Variants in RABL3 observed in about 807,000 individuals in gnomAD.
RABL3 encodes the protein RAB, member of RAS oncogene family like 3.
In RABL3, 31 loss-of-function variants were observed where a neutral mutation model predicts 31.8. The observed-to-expected ratio is 0.97, with a 90% CI of 0.73 to 1.31. The LOEUF (loss-of-function observed/expected upper bound fraction) is 1.31, where lower values mean the gene tolerates loss of function less well. Among genes scored for constraint, RABL3 ranks in the 40% most tolerant of loss-of-function variants. RABL3 has a pLI of 0.00. For missense variants in RABL3, 263 were observed against 279.6 expected (o/e 0.94, Z 0.42); for synonymous variants, 97 against 99.9 (o/e 0.97, Z 0.18).
rs1708298771 is a variant in RABL3 at position 120,685,497 on chromosome 3, T to G, written c.*4326A>C. 6.8e-6 allele frequency among the ~76,000 whole-genome samples: 1 copy of G among 146,348 alleles called. No individual in the cohort carries two copies. Among genetic ancestry groups the G allele is most frequent in the Non-Finnish European group, 1.5e-5 (1 of 64,936 alleles). The stretch of plus-strand genomic sequence containing the variant: ...AAGGCACTGGTTAGAAATAAATATA[T>G]TTGGATTAAAAACAGAACCCAGGGG... On this transcript the variant is annotated 3_prime_UTR_variant, in exon 8 of 8. Coordinates refer to ENST00000273375, the MANE Select transcript of RABL3 (RefSeq NM_173825.5).
At position 120,709,829 on chromosome 3, in the gene RABL3, A is replaced by G; in HGVS notation, c.219T>C (p.Ser73=). Residue 73 remains serine (S), a synonymous_variant, in exon 3 of 8, where the codon AGT becomes AGC. Coordinates refer to ENST00000273375, the MANE Select transcript of RABL3 (RefSeq NM_173825.5). ...ELWDVGGSVG[S]ASSVKSTRAV... is the part of the protein sequence containing the mutation. ...CTCTTGTGCTTTTCACGCTGCTGGC[A>G]CTGCCCACAGAGCCTCCAACATCCC... is the stretch of plus-strand genomic sequence containing the variant. The G allele has an allele frequency of 6.2e-7, 1 of 1,612,526 alleles. No individual in the cohort carries two copies. The highest frequency in any genetic ancestry group is 8.5e-7 in the Non-Finnish European group (1 of 1,178,644).
chr3:120,717,286 A>C (rs552640389), intron 2 of RABL3, among the ~76,000 whole-genome samples: 362 of 151,558 alleles, frequency 2.4e-3, no homozygotes, highest in South Asian at 4.6e-3. Context: ...AAAACAACAA[A>C]AAAAAAAACA....
Position 120,694,219 on chromosome 3 carries a change from G to C in RABL3, c.540C>G (p.Cys180Trp). The C allele has an allele frequency of 6.2e-7, 1 of 1,608,450 alleles. No homozygotes were observed. Among genetic ancestry groups the C allele is most frequent in the Non-Finnish European group, 8.5e-7 (1 of 1,175,548 alleles). Residue 180 changes from cysteine (C) to tryptophan (W), a missense_variant, in exon 6 of 8, where the codon TGC becomes TGG. Transcript: ENST00000273375. ...DFNPEEINLDCTNPRYLAAGS... is the reference protein window; with the variant it reads ...DFNPEEINLDWTNPRYLAAGS... ...CTGCAGCTAAGTACCGTGGATTTGT[G>C]CAGTCCTAGAAGATAAAACATAAGA...
intron 2 of RABL3, among the ~76,000 whole-genome samples, chr3:120,710,843 T>C (rs1436882373): frequency 9.2e-5 from 14 of 152,146 alleles, no homozygotes; most frequent in Admixed American, 9.2e-4. Flanking sequence ...CTTTTCCTTT[T>C]CACAGCAAAA....
At chr3:120,717,562 G>A (rs959228862) in intron 2 of RABL3, among the ~76,000 whole-genome samples, 2 of 152,050 alleles carry the variant, frequency 1.3e-5, no homozygotes, top group Admixed American at 6.6e-5. Flanking sequence ...TCCGCATCCC[G>A]GGTTCAAGCC....
chr3:120,730,533 G>A (rs1443938272), intron 2 of RABL3, among the ~76,000 whole-genome samples, 163 bp downstream of exon 2: 2 of 152,158 alleles, frequency 1.3e-5, no homozygotes, highest in Non-Finnish European at 2.9e-5. Context: ...GAAATAAGAA[G>A]GGACATGTAA....
chr3:120,725,992 T>G (rs1205724326), intron 2 of RABL3, among the ~76,000 whole-genome samples: 1 of 152,158 alleles, frequency 6.6e-6, no homozygotes, highest in Admixed American at 6.5e-5. Flanking sequence ...TTTTTTAACA[T>G]TTTTTTATGG....
chr3:120,742,605 G>C, upstream of RABL3: 1 of 1,185,672 alleles, frequency 8.4e-7, no homozygotes, highest in Non-Finnish European at 1.3e-6. Context: ...TTGGCCACTC[G>C]GAGCGTGACT....
intron 2 of RABL3, chr3:120,710,380 T>C (rs1299753315): frequency 6.6e-6 from 1 of 152,466 alleles, no homozygotes; most frequent in Non-Finnish European, 1.5e-5. Flanking sequence ...ACAGTTAATT[T>C]ACCATTTTCC....
Position 120,698,502 on chromosome 3 carries a change from A to G in RABL3, c.455T>C (p.Ile152Thr), listed in dbSNP as rs779565678. The G allele has an allele frequency of 3.8e-5, 62 of 1,613,992 alleles. 1 individual carries two copies. The highest frequency in any genetic ancestry group is 5.3e-5 in the Non-Finnish European group (62 of 1,179,876). Residue 152 changes from isoleucine to threonine, a missense_variant, in exon 5 of 8, where the codon ATT becomes ACT. Physicochemically the swap from Ile to Thr is moderately conservative, Grantham distance 89. Coordinates refer to ENST00000273375, the MANE Select transcript of RABL3 (RefSeq NM_173825.5). Reference protein sequence around the residue: ...LLVIGTKLDQIHETKRHEVLT... With the variant: ...LLVIGTKLDQTHETKRHEVLT... ...AACTTCATGGCGCTTTGTTTCATGA[A>G]TCTGGTCCAGTTTAGTCCCTATTAC... is the stretch of plus-strand genomic sequence containing the variant.
intron 1 of RABL3, among the ~76,000 whole-genome samples, chr3:120,739,518 G>A (rs1709015748): frequency 6.6e-6 from 1 of 152,056 alleles, no homozygotes; most frequent in African/African-American, 2.4e-5. Flanking sequence ...GATCTACTCT[G>A]TACCTTTATC....
chr3:120,693,844 A>G (rs1708406696), intron 6 of RABL3, among the ~76,000 whole-genome samples: 1 of 152,192 alleles, frequency 6.6e-6, no homozygotes, highest in Non-Finnish European at 1.5e-5. Context: ...GGGAGGGTGA[A>G]TAAGTGAAAA....
rs745733910 is a variant in RABL3, at chr3:120,686,573, A to T, written c.*3250T>A. 4.6e-5 allele frequency: 7 copies of T among 152,202 alleles called. No individual in the cohort carries two copies. The highest frequency in any genetic ancestry group is 8.8e-5 in the Non-Finnish European group (6 of 68,032). 9.4% of individuals were successfully genotyped at this position (152,202 alleles called of 1,614,324 possible). A position where few individuals can be genotyped will look rare whatever the true frequency, so the allele number is the denominator to read the frequency against. ...AGAACCCGAGCTAAAGCTAATATGG[A>T]TCAACTCTTTTGGGAATAGCTTTTC... On this transcript the variant is annotated 3_prime_UTR_variant, in exon 8 of 8. Transcript: ENST00000273375.
In RABL3 at chr3:120,730,621, T is replaced by C. The variant is rs535946672; in HGVS notation, c.138+75A>G. The C allele has an allele frequency of 1.7e-5, 17 of 992,392 alleles. No homozygotes were observed. The African/African-American group carries it at 2.3e-4, about 13-fold the overall frequency. 61.5% of individuals were successfully genotyped at this position (992,392 alleles called of 1,614,324 possible). A position where few individuals can be genotyped will look rare whatever the true frequency, so the allele number is the denominator to read the frequency against. On this transcript the variant is annotated intron_variant, in intron 2 of 7. Coordinates refer to ENST00000273375, the MANE Select transcript of RABL3 (RefSeq NM_173825.5). ...TTACTATTGATCTTGACCATAGTACTGTAATTTGATCATGTAATTTGAAGC... is the reference window on the plus strand; with the variant it reads ...TTACTATTGATCTTGACCATAGTACCGTAATTTGATCATGTAATTTGAAGC...
chr3:120,720,827 A>G (rs146295832), intron 2 of RABL3, among the ~76,000 whole-genome samples: 3,244 of 152,310 alleles, frequency 0.021, 56 homozygotes, highest in Middle Eastern at 0.054. Flanking sequence ...TTCAGGAAAT[A>G]CAGAGAACGC....
intron 1 of RABL3, among the ~76,000 whole-genome samples, chr3:120,736,427 C>G (rs901634932): frequency 7.9e-5 from 12 of 152,146 alleles, no homozygotes; most frequent in African/African-American, 1.2e-4. Flanking sequence ...TATTTTGAGC[C>G]TATGTGTGTC....
intron 4 of RABL3, among the ~76,000 whole-genome samples, chr3:120,702,661 C>T (rs1485887646): frequency 6.6e-6 from 1 of 151,804 alleles, no homozygotes; most frequent in Non-Finnish European, 1.5e-5. Context: ...AGGTTCATGC[C>T]ATTCTCCTGC....
chr3:120,739,522 C>T (rs1371886313), intron 1 of RABL3, among the ~76,000 whole-genome samples: 4 of 152,028 alleles, frequency 2.6e-5, no homozygotes, highest in Non-Finnish European at 4.4e-5. Flanking sequence ...TACTCTGTAC[C>T]TTTATCTACC....
chr3:120,712,038 A>G (rs976895451), intron 2 of RABL3, among the ~76,000 whole-genome samples: 2 of 152,192 alleles, frequency 1.3e-5, no homozygotes, highest in Non-Finnish European at 2.9e-5. Context: ...TAATTAAAAA[A>G]ACAAGATAGC....
Sources: allele counts gnomAD v4.1 joint callset (sites outside exome capture counted in the v4.1 genomes callset), GRCh38; gene constraint gnomAD v4.1.1; transcripts MANE v1.5; gene names NCBI Gene and HGNC (gene_info 2026-07-23, HGNC 2026-07-21).